The following MINK1 variants were observed in gnomAD, a reference collection of about 807,000 sequenced individuals.
MINK1 encodes the protein misshapen like kinase 1.
MINK1 carries 46 observed loss-of-function variants against 178.4 expected under a neutral mutation model. The ratio of observed to expected loss-of-function variants is 0.26; its 90% confidence interval spans 0.20 to 0.33. MINK1 has a LOEUF of 0.33. MINK1 is among the 10% of genes least tolerant of loss of function. The probability of loss-of-function intolerance (pLI) is 1.00; values close to 1 mark genes in which losing one functional copy is unlikely to be tolerated. For missense variants in MINK1, 1,366 were observed against 1,814.9 expected (o/e 0.75, Z 4.49); for synonymous variants, 797 against 709.7 (o/e 1.12, Z -1.96).
intron 1 of MINK1, among the ~76,000 whole-genome samples, chr17:4,873,636 T>TTTTTGTA (rs1966907644): frequency 6.8e-6 from 1 of 146,028 alleles, no homozygotes; most frequent in Admixed American, 6.8e-5. Flanking sequence ...TTTTTTTTTT[T>TTTTTGTA]GAGAAGGCGT....
intron 16 of MINK1, 119 bp from the exon 17 acceptor site, chr17:4,892,030 T>C: frequency 1.1e-6 from 1 of 878,152 alleles, no homozygotes; most frequent in Non-Finnish European, 1.8e-6. Flanking sequence ...CTAACTCCCC[T>C]GAACCTCAGT....
rs193179139 is a variant in MINK1, at chr17:4,852,333, C to G, written c.57+18693C>G. ...TGAGGGCAGCCCTGACCTCCAAGAA[C>G]TTAGTCTAGCAGAGGAGACAGATAA... On this transcript the variant is annotated intron_variant, in intron 1 of 31. Transcript: ENST00000355280. 2.3e-3 allele frequency among the ~76,000 whole-genome samples: 347 copies of G among 152,154 alleles called. 1 individual carries two copies. The highest frequency in any genetic ancestry group is 3.9e-3 in the Non-Finnish European group (265 of 67,998).
intron 1 of MINK1, chr17:4,875,178 C>G: frequency 5.8e-6 from 3 of 520,012 alleles, no homozygotes; most frequent in South Asian, 4.2e-5. Context: ...AGCCTCTAAT[C>G]TAGAACTGAA....
intron 1 of MINK1, among the ~76,000 whole-genome samples, chr17:4,852,605 C>T (rs868513633): frequency 8.0e-5 from 12 of 149,700 alleles, no homozygotes; most frequent in Admixed American, 5.4e-4. Flanking sequence ...GCCTCATCCC[C>T]ACACCAGCAA....
chr17:4,894,926 C>T lies in MINK1; in HGVS notation c.2918-149C>T. 5 of 850,426 alleles carry T rather than the reference C, an allele frequency of 5.9e-6. No homozygotes were observed. The highest frequency in any genetic ancestry group is 7.2e-6 in the Non-Finnish European group (4 of 554,834). 52.7% of individuals were successfully genotyped at this position (850,426 alleles called of 1,614,324 possible). A position where few individuals can be genotyped will look rare whatever the true frequency, so the allele number is the denominator to read the frequency against. On this transcript the variant is annotated intron_variant, in intron 24 of 31. Transcript: ENST00000355280. This position sits in a 1 kb window ranked among gnomAD's most constrained non-coding sequence, Gnocchi z 4.1. ...TTTGACTCCAAGTCCAGCACTCTAT[C>T]CCCCTCTCCCATGCACCTCCTCTCC...
chr17:4,843,452 T>A (rs569169501), intron 1 of MINK1, among the ~76,000 whole-genome samples: 4 of 150,084 alleles, frequency 2.7e-5, no homozygotes, highest in African/African-American at 9.8e-5. Flanking sequence ...CACTCCAGCC[T>A]GGGCGACAGA....
intron 1 of MINK1, among the ~76,000 whole-genome samples, chr17:4,852,340 TAGCAG>T: frequency 6.6e-6 from 1 of 152,252 alleles, no homozygotes; most frequent in East Asian, 1.9e-4. Context: ...GAACTTAGTC[TAGCAG>T]AGGAGACAGA....
chr17:4,835,925 A>T (rs77838012), intron 1 of MINK1, among the ~76,000 whole-genome samples: 2,213 of 152,200 alleles, frequency 0.015, 27 homozygotes, highest in East Asian at 0.064. Context: ...GCCTGCCTTA[A>T]GCTGCTTAAG....
chr17:4,843,488 GAAAGAA>G (rs147756639), intron 1 of MINK1, among the ~76,000 whole-genome samples: 2,738 of 151,132 alleles, frequency 0.018, 88 homozygotes, highest in African/African-American at 0.062. Flanking sequence ...AAAAAAAAAA[GAAAGAA>G]AAAGAAAAAG....
intron 5 of MINK1, among the ~76,000 whole-genome samples, chr17:4,884,705 C>T (rs560362430): frequency 6.6e-6 from 1 of 152,298 alleles, no homozygotes; most frequent in East Asian, 1.9e-4. Flanking sequence ...TGTAACCCTG[C>T]AACTGCTGGG....
rs1433544231 is a variant in MINK1, at chr17:4,891,629, C to T, written c.1914C>T (p.Arg638=). The T allele has an allele frequency of 1.9e-6, 3 of 1,602,342 alleles. No individual in the cohort carries two copies. Among genetic ancestry groups the T allele is most frequent in the South Asian group, 2.2e-5 (2 of 88,998 alleles). ...ATPSARGAVI[R]QNSDPTSEGP... is the part of the protein sequence containing the mutation. Reference sequence around the variant, plus strand: ...CCAGTGCCCGAGGAGCTGTCATCCGCCAGAATTCAGACCCCACCTCTGAAG... The same window carrying T: ...CCAGTGCCCGAGGAGCTGTCATCCGTCAGAATTCAGACCCCACCTCTGAAG... Residue 638 remains arginine (R), a synonymous_variant, in exon 16 of 32, where the codon CGC becomes CGT. Coordinates refer to ENST00000355280, the MANE Select transcript of MINK1 (RefSeq NM_153827.5).
rs559466756 is a variant in MINK1, at chr17:4,893,548, G to A, written c.2515G>A (p.Glu839Lys). 1 of 1,589,260 alleles carries A rather than the reference G, an allele frequency of 6.3e-7. No individual in the cohort carries two copies. The highest frequency in any genetic ancestry group is 1.3e-5 in the African/African-American group (1 of 74,444). The change falls in exon 21 of 32, where the codon GAA (glutamate) becomes AAA (lysine). Residue 839 changes from glutamate (E) to lysine (K), a missense_variant. By Grantham distance (56) the Glu-to-Lys change is moderately conservative. Around this residue, in one of 14 missense-constraint regions of MINK1, gnomAD observed 709 missense variants for 692.3 expected, o/e 1.02. Transcript: ENST00000355280. ...GGAAAGCAGTGAGGACGACGAGGAG[G>A]AAGGCGAAGGCGGGCCAGCAGAGGG... ...EVESSEDDEE[E>K]GEGGPAEGSR...
intron 1 of MINK1, chr17:4,854,673 CG>C: frequency 9.0e-6 from 4 of 443,844 alleles, no homozygotes; most frequent in Non-Finnish European, 1.4e-5. Flanking sequence ...CTGGTTTCTT[CG>C]CCTTCCTTCT....
chr17:4,833,657 C>T lies in MINK1; in HGVS notation c.57+17C>T. 1 of 1,486,188 alleles carries T rather than the reference C, an allele frequency of 6.7e-7. No individual in the cohort carries two copies. Among genetic ancestry groups the T allele is most frequent in the South Asian group, 1.3e-5 (1 of 79,230 alleles). The allele number at this position is 1,486,188 out of a possible 1,614,324, so 92.1% of individuals were successfully genotyped here. ...GCCCTGCGGGTGAGCGCGCCGTCCC[C>T]CAGCCTCGCCCTGGTTCCTGTCCCC... On this transcript the variant is annotated intron_variant, in intron 1 of 31. Coordinates refer to ENST00000355280, the MANE Select transcript of MINK1 (RefSeq NM_153827.5). The surrounding 1 kb of genome is among the most constrained non-coding windows in gnomAD (Gnocchi z 4.8).
rs199986579 is a variant in MINK1 at position 4,896,210 on chromosome 17, C to A, written c.3483C>A (p.Pro1161=). Residue 1161 remains proline, a synonymous_variant, in exon 29 of 32, where the codon CCC becomes CCA. Coordinates refer to ENST00000355280, the MANE Select transcript of MINK1 (RefSeq NM_153827.5). This position sits in a 1 kb window ranked among gnomAD's most constrained non-coding sequence, Gnocchi z 4.6. The part of the protein sequence containing the change: ...FMAFKSFADL[P]HRPLLVDLTV... The stretch of plus-strand genomic sequence containing the variant: ...CTCTGCAGTCCTTTGCCGACCTCCC[C>A]CACCGCCCTCTGCTGGTCGACCTGA... 6.3e-7 allele frequency: 1 copy of A among 1,599,138 alleles called. No homozygotes were observed. Among genetic ancestry groups the A allele is most frequent in the South Asian group, 1.1e-5 (1 of 88,518 alleles).
At position 4,887,318 on chromosome 17, in the gene MINK1, G is replaced by C; in HGVS notation, c.1019+139G>C. Reference sequence around the variant, plus strand: ...AGACTCCTGGAAACCAAATTTCTGAGTGCTAAGAAGTGGAACCAATGACTG... The same window carrying C: ...AGACTCCTGGAAACCAAATTTCTGACTGCTAAGAAGTGGAACCAATGACTG... On this transcript the variant is annotated intron_variant, in intron 11 of 31. Coordinates refer to ENST00000355280, the MANE Select transcript of MINK1 (RefSeq NM_153827.5). This position sits in a 1 kb window ranked among gnomAD's most constrained non-coding sequence, Gnocchi z 7.6. 1 of 889,484 alleles carries C rather than the reference G, an allele frequency of 1.1e-6. No individual in the cohort carries two copies. The highest frequency in any genetic ancestry group is 1.6e-5 in the South Asian group (1 of 62,462). The allele number at this position is 889,484 out of a possible 1,614,324, so 55.1% of individuals were successfully genotyped here.
At position 4,896,922 on chromosome 17, in the gene MINK1, G is replaced by T. The variant is rs542145105; in HGVS notation, c.3915+109G>T. The T allele has an allele frequency of 3.2e-4, 450 of 1,411,192 alleles. No homozygotes were observed. Among genetic ancestry groups the T allele is most frequent in the Middle Eastern group, 4.5e-4 (2 of 4,490 alleles). The allele number at this position is 1,411,192 out of a possible 1,614,324, so 87.4% of individuals were successfully genotyped here. A position where few individuals can be genotyped will look rare whatever the true frequency, so the allele number is the denominator to read the frequency against. ...GGTGGTGGTGGCTTCCTGAAAGCGG[G>T]CCCCTCTGGGAGCTCAGAGGGCAGT... On this transcript the variant is annotated intron_variant, in intron 31 of 31. Coordinates refer to ENST00000355280, the MANE Select transcript of MINK1 (RefSeq NM_153827.5). The surrounding 1 kb of genome is among the most constrained non-coding windows in gnomAD (Gnocchi z 4.6).
chr17:4,873,290 T>G (rs1429591912), intron 1 of MINK1, among the ~76,000 whole-genome samples: 1 of 152,062 alleles, frequency 6.6e-6, no homozygotes, highest in African/African-American at 2.4e-5. Flanking sequence ...AATGTACCTG[T>G]GTATCCTTTA....
At chr17:4,834,462 G>A (rs1440050346) in intron 1 of MINK1, among the ~76,000 whole-genome samples, 1 of 152,200 alleles carries the variant, frequency 6.6e-6, no homozygotes, top group Non-Finnish European at 1.5e-5. Context: ...GGGTGTTTAT[G>A]TTAGCTAAAG....
Sources: allele counts gnomAD v4.1 joint callset (sites outside exome capture counted in the v4.1 genomes callset), GRCh38; gene constraint gnomAD v4.1.1; regional missense constraint gnomAD v4.1.1; non-coding constraint Gnocchi (gnomAD v3.1); transcripts MANE v1.5; gene names NCBI Gene and HGNC (gene_info 2026-07-23, HGNC 2026-07-21).